ATP11A: variants seen among roughly 807,000 people sequenced by gnomAD.
ATP11A encodes phospholipid-transporting ATPase IH.
Under a neutral mutation model 154.4 loss-of-function variants are expected in ATP11A, and 81 were observed. The observed-to-expected ratio is 0.52, with a 90% confidence interval of 0.44 to 0.63. ATP11A has a LOEUF of 0.63. ATP11A is among the 30% of genes least tolerant of loss of function. ATP11A has a pLI of 0.00. For missense variants in ATP11A, 1,316 were observed against 1,474.3 expected (o/e 0.89, Z 1.76); for synonymous variants, 623 against 585.9 (o/e 1.06, Z -0.91).
rs577527912 is a variant in ATP11A, at chr13:112,859,207, G to A, written c.2668-186G>A. 24 of 612,742 alleles carry A rather than the reference G, an allele frequency of 3.9e-5. No individual in the cohort carries two copies. Among genetic ancestry groups the A allele is most frequent in the Middle Eastern group, 3.8e-4 (1 of 2,634 alleles). 38.0% of individuals were successfully genotyped at this position (612,742 alleles called of 1,614,324 possible). A position where few individuals can be genotyped will look rare whatever the true frequency, so the allele number is the denominator to read the frequency against. ...GTTGTCTGTCCTGAGTGGCCAAAAC[G>A]TGGTCACATGTGCATTTCAGTTGCC... On this transcript the variant is annotated intron_variant, in intron 22 of 29. Transcript: ENST00000375645. This position sits in a 1 kb window ranked among gnomAD's most constrained non-coding sequence, Gnocchi z 4.3.
chr13:112,778,750 A>C (rs1436661537), intron 1 of ATP11A, among the ~76,000 whole-genome samples: 3 of 129,152 alleles, frequency 2.3e-5, no homozygotes, highest in South Asian at 5.4e-4. Context: ...TAGCCACTGG[A>C]GTGAGGAGTA....
intron 1 of ATP11A, among the ~76,000 whole-genome samples, chr13:112,765,609 C>T (rs922658994): frequency 2.6e-5 from 4 of 152,222 alleles, no homozygotes; most frequent in African/African-American, 7.2e-5. Context: ...ATGGTGAGAA[C>T]GAGGGTTGAT....
chr13:112,738,410 G>A (rs17751071), intron 1 of ATP11A, among the ~76,000 whole-genome samples: 13,968 of 152,178 alleles, frequency 0.092, 691 homozygotes, highest in Middle Eastern at 0.12. Flanking sequence ...AACTTAAAGT[G>A]TTAGCGACTC....
Position 112,777,571 on chromosome 13 carries a change from T to A in ATP11A, c.40-7564T>A, listed in dbSNP as rs1197602665. Among the ~76,000 whole-genome samples the A allele has an allele frequency of 3.9e-5, 6 of 152,106 alleles. No individual in the cohort carries two copies. In the East Asian group the frequency reaches 9.6e-4, roughly 24 times the overall value. On this transcript the variant is annotated intron_variant, in intron 1 of 29. Transcript: ENST00000375645. Reference sequence around the variant, plus strand: ...AAGAGCAAGACTTCGTCTCAAAAAATATATATAATAACATAATAATTAAGG... The same window carrying A: ...AAGAGCAAGACTTCGTCTCAAAAAAAATATATAATAACATAATAATTAAGG...
chr13:112,769,977 C>T (rs983924419), intron 1 of ATP11A, among the ~76,000 whole-genome samples: 5 of 151,902 alleles, frequency 3.3e-5, no homozygotes, highest in Non-Finnish European at 7.3e-5. Context: ...ATGAAATCAG[C>T]GTTACGTTTG....
At position 112,862,268 on chromosome 13, in the gene ATP11A, C is replaced by T. The variant is rs553104671; in HGVS notation, c.2856-172C>T. 2.0e-4 allele frequency among the ~76,000 whole-genome samples: 31 copies of T among 152,376 alleles called. No individual in the cohort carries two copies. In the Middle Eastern group the frequency reaches 0.01, roughly 50 times the overall value. On this transcript the variant is annotated intron_variant, in intron 24 of 29. Transcript: ENST00000375645. ...AAGGACATGAGTGGGTAGTGAAATG[C>T]TGGTTGTGATGAACATGCCACATTT... is the stretch of plus-strand genomic sequence containing the variant.
intron 25 of ATP11A, among the ~76,000 whole-genome samples, chr13:112,868,192 G>A (rs1017319848): frequency 2.0e-5 from 3 of 152,242 alleles, no homozygotes; most frequent in Non-Finnish European, 4.4e-5. Flanking sequence ...ATAGACGTAG[G>A]ATGCGATGAG....
At chr13:112,803,308 T>C (rs2078187563) in intron 2 of ATP11A, among the ~76,000 whole-genome samples, 2 of 152,216 alleles carry the variant, frequency 1.3e-5, no homozygotes, top group African/African-American at 4.8e-5. Flanking sequence ...AGTTGTTACA[T>C]TGAATTGTAA....
In ATP11A at chr13:112,883,240, C is replaced by T; in HGVS notation, c.*1374C>T. The T allele has an allele frequency of 2.5e-6, 1 of 398,744 alleles. No homozygotes were observed. Among genetic ancestry groups the T allele is most frequent in the Non-Finnish European group, 4.4e-6 (1 of 226,130 alleles). The allele number at this position is 398,744 out of a possible 1,614,324, so 24.7% of individuals were successfully genotyped here. A position where few individuals can be genotyped will look rare whatever the true frequency, so the allele number is the denominator to read the frequency against. On this transcript the variant is annotated 3_prime_UTR_variant, in exon 30 of 30. Transcript: ENST00000375645. ...TCCAGCGCTGCTCTGGGTGGGTTAG[C>T]AACCCCAGGGCTGCTGTGATAGGAA...
At chr13:112,708,475 G>T (rs775697367) in intron 1 of ATP11A, among the ~76,000 whole-genome samples, 15 of 152,150 alleles carry the variant, frequency 9.9e-5, no homozygotes, top group South Asian at 2.1e-4. Flanking sequence ...AAAACCGCAA[G>T]TATAGCATGA....
intron 17 of ATP11A, among the ~76,000 whole-genome samples, chr13:112,846,548 G>A (rs997915917): frequency 4.6e-5 from 7 of 152,226 alleles, no homozygotes; most frequent in African/African-American, 7.2e-5. Context: ...AATCCTCCTC[G>A]CTAACGGATG....
intron 1 of ATP11A, among the ~76,000 whole-genome samples, chr13:112,772,714 G>A (rs1319620299): frequency 6.6e-6 from 1 of 152,230 alleles, no homozygotes; most frequent in Non-Finnish European, 1.5e-5. Context: ...ATTTGCCCGT[G>A]TGGACGCTTC....
At chr13:112,800,432 C>T (rs1450741321) in intron 2 of ATP11A, among the ~76,000 whole-genome samples, 2 of 152,054 alleles carry the variant, frequency 1.3e-5, no homozygotes, top group Non-Finnish European at 2.9e-5. Flanking sequence ...ACGCTATCTA[C>T]CAAAACTCAA....
rs1594329900 is a variant in ATP11A, at chr13:112,701,102, T to C, written c.39+10647T>C. 2.0e-5 allele frequency among the ~76,000 whole-genome samples: 3 copies of C among 151,918 alleles called. No homozygotes were observed. The South Asian group carries it at 6.3e-4, about 32-fold the overall frequency. ...GCCGGCGGCCACCTGAGAATGGGAG[T>C]GGCACCCGAATATGTGGAATACACA... is the stretch of plus-strand genomic sequence containing the variant. On this transcript the variant is annotated intron_variant, in intron 1 of 29. Coordinates refer to ENST00000375645, the MANE Select transcript of ATP11A (RefSeq NM_015205.3).
At chr13:112,701,572 C>G (rs1355300696) in intron 1 of ATP11A, among the ~76,000 whole-genome samples, 1 of 152,208 alleles carries the variant, frequency 6.6e-6, no homozygotes, top group African/African-American at 2.4e-5. Context: ...GTGGCTCATG[C>G]CTGTAATCGC....
rs1019983115 is a variant in ATP11A at position 112,882,541 on chromosome 13, C to T, written c.*675C>T. 21 of 429,676 alleles carry T rather than the reference C, an allele frequency of 4.9e-5. No individual in the cohort carries two copies. The South Asian group carries it at 6.6e-4, about 13-fold the overall frequency. 26.6% of individuals were successfully genotyped at this position (429,676 alleles called of 1,614,324 possible). The stretch of plus-strand genomic sequence containing the variant: ...ACCATCATCCCTGCGGATGCACCGC[C>T]GTACCCTGCTCATCTGGGAGTGGTT... On this transcript the variant is annotated 3_prime_UTR_variant, in exon 30 of 30. Transcript: ENST00000375645. The surrounding 1 kb of genome is among the most constrained non-coding windows in gnomAD (Gnocchi z 5.1).
chr13:112,738,717 C>T (rs963032609), intron 1 of ATP11A, among the ~76,000 whole-genome samples: 12 of 151,230 alleles, frequency 7.9e-5, no homozygotes, highest in East Asian at 3.9e-4. Context: ...CCTGCCTCCC[C>T]GTCCCCCTCC....
intron 2 of ATP11A, among the ~76,000 whole-genome samples, chr13:112,790,942 C>T (rs888729367): frequency 6.6e-6 from 1 of 152,170 alleles, no homozygotes; most frequent in South Asian, 2.1e-4. Context: ...AAAACAAAGT[C>T]CCAACCAGAT....
intron 1 of ATP11A, among the ~76,000 whole-genome samples, chr13:112,776,314 G>A (rs73567144): frequency 0.011 from 1,685 of 152,226 alleles, 31 homozygotes; most frequent in African/African-American, 0.038. Context: ...CGGACTGGGC[G>A]CATTGGAGCA....
Sources: allele counts gnomAD v4.1 joint callset (sites outside exome capture counted in the v4.1 genomes callset), GRCh38; gene constraint gnomAD v4.1.1; non-coding constraint Gnocchi (gnomAD v3.1); transcripts MANE v1.5; gene names NCBI Gene and HGNC (gene_info 2026-07-23, HGNC 2026-07-21).